The following BCL11B variants were observed in gnomAD, a reference collection of about 807,000 sequenced individuals.
The protein encoded by BCL11B is B-cell lymphoma/leukemia 11B.
In BCL11B, 8 loss-of-function variants were observed where a neutral mutation model predicts 49.9. The ratio of observed to expected loss-of-function variants is 0.16; its 90% CI spans 0.09 to 0.29. The LOEUF (loss-of-function observed/expected upper bound fraction) is 0.29, where lower values mean the gene tolerates loss of function less well. Ranked by LOEUF, BCL11B falls within the 10% of genes least tolerant of loss-of-function variation. The pLI, the probability that BCL11B is intolerant of heterozygous loss-of-function variation, is 1.00. For synonymous variants in BCL11B, 739 were observed against 637.4 expected (o/e 1.16, Z -2.40); for missense variants, 1,006 against 1,351.0 (o/e 0.74, Z 4.00).
Position 99,252,807 on chromosome 14 carries a change from G to A in BCL11B, c.427+4664C>T, listed in dbSNP as rs145505881. 2.9e-3 allele frequency among the ~76,000 whole-genome samples: 435 copies of A among 152,332 alleles called. 10 individuals are homozygous for A. Among genetic ancestry groups the A allele is most frequent in the African/African-American group, 0.01 (416 of 41,578 alleles). Reference sequence around the variant, plus strand: ...ATTCCTCCCTCTGTAGCTTCATTTGGTTATGGAAGGGCTGAAAACAGGCAA... The same window carrying A: ...ATTCCTCCCTCTGTAGCTTCATTTGATTATGGAAGGGCTGAAAACAGGCAA... On this transcript the variant is annotated intron_variant, in intron 2 of 3. Coordinates refer to ENST00000357195, the MANE Select transcript of BCL11B (RefSeq NM_138576.4).
chr14:99,245,945 G>C (rs963770599), intron 2 of BCL11B, among the ~76,000 whole-genome samples: 23 of 151,970 alleles, frequency 1.5e-4, no homozygotes, highest in Non-Finnish European at 2.7e-4. Context: ...GGGGACCGAC[G>C]GGGGCGGGGG....
At chr14:99,222,935 G>A (rs912707201) in intron 3 of BCL11B, among the ~76,000 whole-genome samples, 3 of 145,998 alleles carry the variant, frequency 2.1e-5, no homozygotes, top group African/African-American at 7.7e-5. Flanking sequence ...AACTTTATTT[G>A]ATGTAATGTA....
rs1333267080 is a variant in BCL11B at position 99,247,074 on chromosome 14, G to A, written c.427+10397C>T. ...TTTCAGCGTTCCAGACCACAGCGCT[G>A]CAGTCTACGCTGCCCTGACGCTGGA... On this transcript the variant is annotated intron_variant, in intron 2 of 3. Coordinates refer to ENST00000357195, the MANE Select transcript of BCL11B (RefSeq NM_138576.4). This position sits in a 1 kb window ranked among gnomAD's most constrained non-coding sequence, Gnocchi z 4.5. Among the ~76,000 whole-genome samples, 1 of 152,160 alleles carries A rather than the reference G, an allele frequency of 6.6e-6. No homozygotes were observed. Among genetic ancestry groups the A allele is most frequent in the East Asian group, 1.9e-4 (1 of 5,190 alleles).
chr14:99,206,220 G>A lies in BCL11B; in HGVS notation c.640+25125C>T, dbSNP rs1334273919. On this transcript the variant is annotated intron_variant, in intron 3 of 3. Coordinates refer to ENST00000357195, the MANE Select transcript of BCL11B (RefSeq NM_138576.4). ...CTTATCCCTGGGGGCCACAAACTAC[G>A]GGCCATGGATGTCTGCCTGTTTCTG... Among the ~76,000 whole-genome samples, 7 of 152,224 alleles carry A rather than the reference G, an allele frequency of 4.6e-5. No individual in the cohort carries two copies. In the South Asian group the frequency reaches 8.3e-4, roughly 18 times the overall value.
intron 3 of BCL11B, among the ~76,000 whole-genome samples, chr14:99,200,344 C>G (rs182312625): frequency 1.4e-3 from 208 of 152,348 alleles, no homozygotes; most frequent in African/African-American, 4.8e-3. Context: ...CTGTGTCATT[C>G]CCACTCACAA....
chr14:99,224,762 G>A (rs181854575), intron 3 of BCL11B, among the ~76,000 whole-genome samples: 2 of 152,310 alleles, frequency 1.3e-5, no homozygotes, highest in African/African-American at 2.4e-5. Flanking sequence ...GAAGATTGGA[G>A]AGAGGAAGTA....
At position 99,247,790 on chromosome 14, in the gene BCL11B, G is replaced by A. The variant is rs572592479; in HGVS notation, c.427+9681C>T. Among the ~76,000 whole-genome samples the A allele has an allele frequency of 7.2e-5, 11 of 152,208 alleles. No individual in the cohort carries two copies. The highest frequency in any genetic ancestry group is 1.6e-4 in the Non-Finnish European group (11 of 68,034). On this transcript the variant is annotated intron_variant, in intron 2 of 3. Transcript: ENST00000357195. This position sits in a 1 kb window ranked among gnomAD's most constrained non-coding sequence, Gnocchi z 4.5. ...TGTGCCTCTGGATTCATCTTCAGCA[G>A]ACGCTGACCCACGCACCTGTTTGCC...
intron 2 of BCL11B, among the ~76,000 whole-genome samples, chr14:99,237,499 A>G (rs1888537734): frequency 6.6e-6 from 1 of 152,106 alleles, no homozygotes; most frequent in South Asian, 2.1e-4. Flanking sequence ...TAGAAATGCC[A>G]GGCAGGGCGA....
At chr14:99,204,119 G>T (rs1174443455) in intron 3 of BCL11B, among the ~76,000 whole-genome samples, 1 of 152,162 alleles carries the variant, frequency 6.6e-6, no homozygotes, top group East Asian at 1.9e-4. Context: ...GCCTCAGAGG[G>T]GAAAAGGCTG....
chr14:99,217,932 T>C (rs884296), intron 3 of BCL11B, among the ~76,000 whole-genome samples: 101,989 of 152,072 alleles, frequency 0.67, 34,520 homozygotes, highest in Admixed American at 0.73. Flanking sequence ...TAAAAATATT[T>C]CTGGCTTCTC....
intron 3 of BCL11B, among the ~76,000 whole-genome samples, chr14:99,208,415 T>G (rs1887595466): frequency 6.6e-6 from 1 of 152,102 alleles, no homozygotes; most frequent in Admixed American, 6.5e-5. Flanking sequence ...ATCACCACAT[T>G]ATTTATTTGG....
intron 2 of BCL11B, among the ~76,000 whole-genome samples, chr14:99,244,521 G>A (rs1323625074): frequency 1.5e-4 from 23 of 152,152 alleles, no homozygotes; most frequent in Admixed American, 1.5e-3. Context: ...ATCTTTACCC[G>A]TATTTACAGA....
intron 3 of BCL11B, among the ~76,000 whole-genome samples, chr14:99,217,820 C>T (rs1887896937): frequency 6.6e-6 from 1 of 152,206 alleles, no homozygotes; most frequent in Non-Finnish European, 1.5e-5. Flanking sequence ...ACCCCGTCCC[C>T]ACAGGCTTCA....
At chr14:99,258,797 T>A (rs1889251797) in intron 1 of BCL11B, among the ~76,000 whole-genome samples, 1 of 152,226 alleles carries the variant, frequency 6.6e-6, no homozygotes, top group African/African-American at 2.4e-5. Flanking sequence ...AAGAAAATTC[T>A]CCAGACTCCA....
At position 99,257,992 on chromosome 14, in the gene BCL11B, G is replaced by A. The variant is rs1163145009; in HGVS notation, c.59-153C>T. Reference sequence around the variant, plus strand: ...GCTCACCAGGTCCTCCCCGGGGTTGGGGGCTGGTGAGCATCCCCCACAGGA... The same window carrying A: ...GCTCACCAGGTCCTCCCCGGGGTTGAGGGCTGGTGAGCATCCCCCACAGGA... On this transcript the variant is annotated intron_variant, in intron 1 of 3. Coordinates refer to ENST00000357195, the MANE Select transcript of BCL11B (RefSeq NM_138576.4). The surrounding 1 kb of genome is among the most constrained non-coding windows in gnomAD (Gnocchi z 6.2). 6.6e-6 allele frequency among the ~76,000 whole-genome samples: 1 copy of A among 152,212 alleles called. No individual in the cohort carries two copies. The highest frequency in any genetic ancestry group is 2.4e-5 in the African/African-American group (1 of 41,472).
chr14:99,230,466 CG>C (rs1888295505), intron 3 of BCL11B, among the ~76,000 whole-genome samples: 2 of 152,156 alleles, frequency 1.3e-5, no homozygotes, highest in African/African-American at 4.8e-5. Flanking sequence ...TCCTGGTTTG[CG>C]TGGCCACAGT....
intron 3 of BCL11B, among the ~76,000 whole-genome samples, chr14:99,230,817 G>A (rs1888309000): frequency 6.6e-6 from 1 of 151,284 alleles, no homozygotes; most frequent in Non-Finnish European, 1.5e-5. Context: ...ACTCCCTCTC[G>A]TGGCCACAGC....
intron 1 of BCL11B, among the ~76,000 whole-genome samples, chr14:99,266,343 C>T (rs779519641): frequency 2.6e-5 from 4 of 152,132 alleles, no homozygotes; most frequent in African/African-American, 7.2e-5. Flanking sequence ...ATGAGCAGTA[C>T]GCCTTCCCCA....
chr14:99,208,706 C>A (rs887722786), intron 3 of BCL11B, among the ~76,000 whole-genome samples: 3 of 152,246 alleles, frequency 2.0e-5, no homozygotes, highest in African/African-American at 7.2e-5. Context: ...ATCCACTGGG[C>A]CCGTTGTTTG....
Sources: gnomAD v4.1 joint callset for allele counts (sites outside exome capture counted in the v4.1 genomes callset) on GRCh38, gnomAD v4.1.1 for gene constraint, Gnocchi (gnomAD v3.1) non-coding constraint, MANE v1.5 for transcripts, NCBI Gene and HGNC (gene_info 2026-07-23, HGNC 2026-07-21) for gene names.